SVEP1: variants seen among roughly 807,000 people sequenced by gnomAD.
The protein encoded by SVEP1 is sushi, von Willebrand factor type A, EGF and pentraxin domain-containing protein 1.
In SVEP1, 164 loss-of-function variants were observed where a neutral mutation model predicts 367.3. The ratio of observed to expected loss-of-function variants is 0.45; its 90% CI spans 0.39 to 0.51. The LOEUF (loss-of-function observed/expected upper bound fraction) is 0.51, where lower values mean the gene tolerates loss of function less well. Among genes scored for constraint, SVEP1 ranks in the 20% least tolerant of loss-of-function variants. SVEP1 has a pLI of 0.00. For synonymous variants in SVEP1, 1,666 were observed against 1,611.6 expected, an observed-to-expected ratio of 1.03 and a Z score of -0.81; for missense variants, 4,117 against 4,425.3, an observed-to-expected ratio of 0.93 and a Z score of 1.98.
At chr9:110,403,839 C>G (rs548940455) in intron 39 of SVEP1, among the ~76,000 whole-genome samples, 1 of 146,612 alleles carries the variant, frequency 6.8e-6, no homozygotes, top group South Asian at 2.2e-4. Flanking sequence ...ATACAAGATA[C>G]GTGTAATAAT....
chr9:110,494,387 G>T (rs1480165094), intron 8 of SVEP1, among the ~76,000 whole-genome samples: 2 of 152,140 alleles, frequency 1.3e-5, no homozygotes, highest in African/African-American at 4.8e-5. Context: ...CTTTTATTTA[G>T]ACAGCAAGAC....
chr9:110,519,140 G>A (rs543277225), intron 3 of SVEP1, among the ~76,000 whole-genome samples: 40 of 152,184 alleles, frequency 2.6e-4, no homozygotes, highest in African/African-American at 7.5e-4. Context: ...TGGTTTCTTC[G>A]TGTGTAATAG....
Position 110,429,398 on chromosome 9 carries a change from C to T in SVEP1, c.5616-64G>A, listed in dbSNP as rs952686802. 19 of 1,130,892 alleles carry T rather than the reference C, an allele frequency of 1.7e-5. No individual in the cohort carries two copies. The Middle Eastern group carries it at 1.5e-3, about 86-fold the overall frequency. 70.1% of individuals were successfully genotyped at this position (1,130,892 alleles called of 1,614,324 possible). On this transcript the variant is annotated intron_variant, in intron 34 of 47. Coordinates refer to ENST00000374469, the MANE Select transcript of SVEP1 (RefSeq NM_153366.4). ...TTTATTTTGCATGCCGTTATCTGTG[C>T]CAAAAACCTCTAAAAATATTAAGAA...
At chr9:110,480,925 A>G (rs1420695196) in intron 12 of SVEP1, among the ~76,000 whole-genome samples, 3 of 152,022 alleles carry the variant, frequency 2.0e-5, no homozygotes, top group Non-Finnish European at 4.4e-5. Context: ...CCTGGCCACT[A>G]TGAGACTTGA....
At chr9:110,505,194 C>T (rs1396950801) in intron 5 of SVEP1, among the ~76,000 whole-genome samples, 2 of 152,140 alleles carry the variant, frequency 1.3e-5, no homozygotes, top group Non-Finnish European at 2.9e-5. Context: ...CACACTGTTC[C>T]AGCCTCTGCA....
intron 43 of SVEP1, among the ~76,000 whole-genome samples, chr9:110,381,345 G>T (rs1193386984): frequency 2.6e-5 from 4 of 152,124 alleles, no homozygotes; most frequent in Non-Finnish European, 5.9e-5. Flanking sequence ...GGCATTTAGT[G>T]CTATAAATTT....
At chr9:110,408,983 A>G in intron 37 of SVEP1, 32 bp from the exon 38 acceptor site, 2 of 1,527,478 alleles carry the variant, frequency 1.3e-6, no homozygotes, top group Non-Finnish European at 1.8e-6. Flanking sequence ...AGTGAGTGCG[A>G]TTTGTATAAC....
In SVEP1 at chr9:110,406,993, C is replaced by A; in HGVS notation, c.8607G>T (p.Arg2869Ser). Residue 2869 changes from arginine to serine, a missense_variant, in exon 38 of 48, where the codon AGG (arginine) becomes AGT (serine). Around this residue, in one of 4 missense-constraint regions of SVEP1, gnomAD observed 1,765 missense variants for 1,781.1 expected, o/e 0.99. Transcript: ENST00000374469. ...TTCCATTGGCAAGACAAACCCGACT[C>A]CTGGCTCCCTCAAGCAAGAACCCTT... ...CNEGFLLEGA[R>S]SRVCLANGSW... 1 of 1,613,964 alleles carries A rather than the reference C, an allele frequency of 6.2e-7. No homozygotes were observed. The highest frequency in any genetic ancestry group is 1.6e-4 in the Middle Eastern group (1 of 6,062).
chr9:110,500,169 A>T (rs1829511026), intron 6 of SVEP1, among the ~76,000 whole-genome samples: 1 of 152,096 alleles, frequency 6.6e-6, no homozygotes, highest in Non-Finnish European at 1.5e-5. Context: ...AAACTGTGCC[A>T]GCAAAAGCCA....
At chr9:110,568,234 T>A (rs1830514397) in intron 1 of SVEP1, among the ~76,000 whole-genome samples, 1 of 152,316 alleles carries the variant, frequency 6.6e-6, no homozygotes, top group East Asian at 1.9e-4. Flanking sequence ...CCAGCTCACT[T>A]CTTCTTCCAT....
At chr9:110,490,665 A>G (rs1227271525) in intron 8 of SVEP1, among the ~76,000 whole-genome samples, 13 of 152,074 alleles carry the variant, frequency 8.5e-5, no homozygotes, top group Non-Finnish European at 4.4e-5. Flanking sequence ...TTAACATTTT[A>G]TTAGTAGATA....
intron 1 of SVEP1, among the ~76,000 whole-genome samples, chr9:110,555,839 G>A (rs1049277864): frequency 4.6e-5 from 7 of 152,114 alleles, no homozygotes; most frequent in Non-Finnish European, 8.8e-5. Context: ...GTGCTTCATC[G>A]TACTTGAATA....
chr9:110,459,366 A>G (rs990236892), intron 18 of SVEP1, among the ~76,000 whole-genome samples: 7 of 152,208 alleles, frequency 4.6e-5, no homozygotes, highest in African/African-American at 1.7e-4. Context: ...TCCACCTAAC[A>G]TGGTATCATA....
At chr9:110,389,377 G>GA (rs1444611833) in intron 41 of SVEP1, 147 bp downstream of exon 41, 4 of 828,302 alleles carry the variant, frequency 4.8e-6, no homozygotes, top group Non-Finnish European at 7.3e-6. Flanking sequence ...CTGCCCTTGA[G>GA]AAAAAGCCCA....
At chr9:110,405,415 A>G (rs1294523749) in intron 38 of SVEP1, among the ~76,000 whole-genome samples, 1 of 151,794 alleles carries the variant, frequency 6.6e-6, no homozygotes, top group Admixed American at 6.6e-5. Context: ...GGAATACAGC[A>G]TAATTCATTT....
chr9:110,401,776 T>C (rs1019799114), intron 39 of SVEP1, among the ~76,000 whole-genome samples: 13 of 151,816 alleles, frequency 8.6e-5, no homozygotes, highest in African/African-American at 3.1e-4. Flanking sequence ...GCAACAAATA[T>C]ACTAGGAAAA....
intron 47 of SVEP1, among the ~76,000 whole-genome samples, chr9:110,367,162 C>CAT (rs924777109): frequency 1.1e-4 from 17 of 152,100 alleles, no homozygotes; most frequent in Non-Finnish European, 2.2e-4. Context: ...AGGCACTAGG[C>CAT]ATATATATAT....
At chr9:110,516,505 A>G (rs1182700870) in intron 3 of SVEP1, among the ~76,000 whole-genome samples, 5 of 148,808 alleles carry the variant, frequency 3.4e-5, no homozygotes, top group African/African-American at 1.2e-4. Flanking sequence ...TGTATTAGCG[A>G]TATTGAACTA....
intron 30 of SVEP1, 127 bp downstream of exon 30, chr9:110,434,209 G>A: frequency 9.2e-7 from 1 of 1,090,748 alleles, no homozygotes; most frequent in Non-Finnish European, 1.3e-6. Flanking sequence ...ACAAAGAAAA[G>A]GTTCAATGAA....
Sources: allele counts gnomAD v4.1 joint callset (sites outside exome capture counted in the v4.1 genomes callset), GRCh38; gene constraint gnomAD v4.1.1; regional missense constraint gnomAD v4.1.1; transcripts MANE v1.5; gene names NCBI Gene and HGNC (gene_info 2026-07-23, HGNC 2026-07-21).